OLA1: variants seen among roughly 807,000 people sequenced by gnomAD.
OLA1 encodes the protein obg-like ATPase 1.
OLA1 carries 14 observed loss-of-function variants against 48.4 expected under a neutral mutation model. The ratio of observed to expected loss-of-function variants is 0.29; its 90% CI spans 0.19 to 0.45. The LOEUF (loss-of-function observed/expected upper bound fraction) is 0.45, where lower values mean the gene tolerates loss of function less well. Ranked by LOEUF, OLA1 falls within the 20% of genes least tolerant of loss-of-function variation. The pLI, the probability that OLA1 is intolerant of heterozygous loss-of-function variation, is 1.00. For missense variants in OLA1, 325 were observed against 467.1 expected, an observed-to-expected ratio of 0.70 and a Z score of 2.80; for synonymous variants, 127 against 150.4, an observed-to-expected ratio of 0.84 and a Z score of 1.14.
At chr2:174,174,035 C>CAAAAAAAAAAAAAAAAAAAAA (rs112671944) in intron 4 of OLA1, among the ~76,000 whole-genome samples, 1 of 135,602 alleles carries the variant, frequency 7.4e-6, no homozygotes. Flanking sequence ...CACACACACA[C>CAAAAAAAAAAAAAAAAAAAAA]AAAAAAAAAA....
At chr2:174,245,635 T>G (rs575803640) in intron 2 of OLA1, among the ~76,000 whole-genome samples, 236 of 152,342 alleles carry the variant, frequency 1.5e-3, no homozygotes, top group Non-Finnish European at 2.6e-3. Context: ...GGCTCACACC[T>G]GTAATCCCAG....
At chr2:174,143,337 T>C (rs564101776) in intron 4 of OLA1, among the ~76,000 whole-genome samples, 3 of 152,342 alleles carry the variant, frequency 2.0e-5, no homozygotes, top group East Asian at 3.9e-4. Flanking sequence ...GGTAAATTTT[T>C]TGAATCTTTG....
rs540764789 is a variant in OLA1 at position 174,151,830 on chromosome 2, C to A, written c.374-9830G>T. Among the ~76,000 whole-genome samples, 8 of 152,240 alleles carry A rather than the reference C, an allele frequency of 5.3e-5. No individual in the cohort carries two copies. The East Asian group carries it at 7.7e-4, about 15-fold the overall frequency. On this transcript the variant is annotated intron_variant, in intron 4 of 10. Transcript: ENST00000284719. ...TTCCATAAATGACATGACAAAAATT[C>A]TTTATTGCATTGGGGTGCGAGTGGG...
chr2:174,096,577 G>A (rs567868880), intron 7 of OLA1, among the ~76,000 whole-genome samples: 17 of 152,304 alleles, frequency 1.1e-4, no homozygotes, highest in Middle Eastern at 3.4e-3. Context: ...AGATTTTGGA[G>A]TAAGGTGAGT....
intron 2 of OLA1, among the ~76,000 whole-genome samples, chr2:174,234,292 CA>C (rs1688799112): frequency 1.3e-5 from 2 of 152,092 alleles, no homozygotes; most frequent in Non-Finnish European, 2.9e-5. Flanking sequence ...ATACAACATA[CA>C]AAATATAGCT....
Position 174,193,429 on chromosome 2 carries a change from CT to C in OLA1, c.373+29603del, listed in dbSNP as rs556499361. ...TCAATGATTGCTTTATCCCTGAGTG[CT>C]TTTTTTTCTTGCTTTTTAAATACAT... On this transcript the variant is annotated intron_variant, in intron 4 of 10. Coordinates refer to ENST00000284719, the MANE Select transcript of OLA1 (RefSeq NM_013341.5). Among the ~76,000 whole-genome samples the C allele has an allele frequency of 3.1e-3, 472 of 151,972 alleles. 3 individuals carry two copies. The highest frequency in any genetic ancestry group is 0.01 in the African/African-American group (423 of 41,474).
intron 7 of OLA1, among the ~76,000 whole-genome samples, chr2:174,109,036 T>C (rs905728989): frequency 2.6e-5 from 4 of 152,148 alleles, no homozygotes; most frequent in African/African-American, 9.7e-5. Flanking sequence ...TTTCTATTTG[T>C]CAGGAACTAC....
At chr2:174,158,771 A>C (rs997064430) in intron 4 of OLA1, among the ~76,000 whole-genome samples, 5 of 152,156 alleles carry the variant, frequency 3.3e-5, no homozygotes, top group African/African-American at 1.2e-4. Context: ...TATTGTAATA[A>C]AGTAGAGAAA....
chr2:174,133,455 G>A (rs13416753), intron 5 of OLA1, among the ~76,000 whole-genome samples: 1 of 152,214 alleles, frequency 6.6e-6, no homozygotes, highest in Admixed American at 6.5e-5. Flanking sequence ...CCGCCTCTCA[G>A]GTTCAAGCCA....
At chr2:174,081,760 T>C (rs1017908083) in intron 8 of OLA1, among the ~76,000 whole-genome samples, 164 bp downstream of exon 8, 3 of 152,106 alleles carry the variant, frequency 2.0e-5, no homozygotes, top group Admixed American at 6.6e-5. Flanking sequence ...AAAAACTTAA[T>C]TTAAAATAAA....
chr2:174,136,982 T>C (rs1686325566), intron 5 of OLA1, among the ~76,000 whole-genome samples: 1 of 152,056 alleles, frequency 6.6e-6, no homozygotes, highest in Non-Finnish European at 1.5e-5. Context: ...GCCATGAAAA[T>C]TCATCTAGAA....
At chr2:174,225,921 G>A in intron 3 of OLA1, among the ~76,000 whole-genome samples, 2 of 40,150 alleles carry the variant, frequency 5.0e-5, no homozygotes, top group African/African-American at 1.5e-4. Flanking sequence ...TCGGCCGGGC[G>A]CGGTGGCTCA....
chr2:174,228,823 A>G (rs902364505), intron 3 of OLA1, among the ~76,000 whole-genome samples: 61 of 152,206 alleles, frequency 4.0e-4, no homozygotes, highest in African/African-American at 1.4e-3. Flanking sequence ...CCAGAAAAAA[A>G]TAATTGCAAT....
At chr2:174,148,656 T>C (rs1172090609) in intron 4 of OLA1, among the ~76,000 whole-genome samples, 1 of 152,190 alleles carries the variant, frequency 6.6e-6, no homozygotes, top group African/African-American at 2.4e-5. Context: ...TGCTTTCTAG[T>C]TCTCCCCTGC....
In OLA1 at chr2:174,171,061, C is replaced by T. The variant is rs546851327; in HGVS notation, c.374-29061G>A. Among the ~76,000 whole-genome samples the T allele has an allele frequency of 1.1e-3, 161 of 152,192 alleles. 1 individual carries two copies. Among genetic ancestry groups the T allele is most frequent in the Admixed American group, 6.0e-3 (91 of 15,288 alleles). On this transcript the variant is annotated intron_variant, in intron 4 of 10. Coordinates refer to ENST00000284719, the MANE Select transcript of OLA1 (RefSeq NM_013341.5). ...GAAAAAAGTAAATTCATCCAAAAGG[C>T]ATAATATTCACATAAGGCATAATAT...
chr2:174,124,269 G>A (rs1558965179), intron 5 of OLA1: 1 of 123,844 alleles, frequency 8.1e-6, no homozygotes, highest in Non-Finnish European at 1.6e-5. Context: ...ATTACACAAT[G>A]GCAAGAGCCC....
chr2:174,203,708 G>T (rs768197415), intron 4 of OLA1, among the ~76,000 whole-genome samples: 1 of 151,264 alleles, frequency 6.6e-6, no homozygotes, highest in East Asian at 1.9e-4. Flanking sequence ...TAGATGCTTT[G>T]TTATTTTATT....
At chr2:174,111,569 C>A (rs765433799) in intron 7 of OLA1, among the ~76,000 whole-genome samples, 3 of 152,034 alleles carry the variant, frequency 2.0e-5, no homozygotes, top group Non-Finnish European at 2.9e-5. Flanking sequence ...TAGTTTTGCC[C>A]GACCTGGATG....
intron 7 of OLA1, among the ~76,000 whole-genome samples, chr2:174,120,319 G>C (rs1685885587): frequency 6.6e-6 from 1 of 152,064 alleles, no homozygotes; most frequent in African/African-American, 2.4e-5. Context: ...ACCGTCTATA[G>C]TATAATCTTA....
Sources: allele counts gnomAD v4.1 joint callset (sites outside exome capture counted in the v4.1 genomes callset), GRCh38; gene constraint gnomAD v4.1.1; transcripts MANE v1.5; gene names NCBI Gene and HGNC (gene_info 2026-07-23, HGNC 2026-07-21).